The following PIK3R3 variants were observed in gnomAD, a reference collection of about 807,000 sequenced individuals.
PIK3R3 encodes phosphoinositide-3-kinase regulatory subunit 3.
PIK3R3 carries 64 observed loss-of-function variants against 62.9 expected under a neutral mutation model. The observed-to-expected ratio is 1.02, with a 90% CI of 0.83 to 1.25. The LOEUF is 1.25. PIK3R3 is among the 50% of genes most tolerant of loss of function. The pLI is 0.00. For synonymous variants in PIK3R3, 165 were observed against 189.0 expected, an observed-to-expected ratio of 0.87 and a Z score of 1.04; for missense variants, 614 against 561.6, an observed-to-expected ratio of 1.09 and a Z score of -0.94.
chr1:46,060,354 G>C (rs1428255998), intron 6 of PIK3R3, among the ~76,000 whole-genome samples: 2 of 152,104 alleles, frequency 1.3e-5, no homozygotes, highest in East Asian at 3.9e-4. Flanking sequence ...GCCGGGCATG[G>C]TGGGGGGTGC....
chr1:46,085,789 C>G (rs1474740592), intron 1 of PIK3R3, among the ~76,000 whole-genome samples: 1 of 152,180 alleles, frequency 6.6e-6, no homozygotes, highest in Non-Finnish European at 1.5e-5. Context: ...GTTAGGTGCA[C>G]CTAAGCAAAT....
At chr1:46,172,874 T>A in the PIK3R3 span, among the ~76,000 whole-genome samples, 1 of 151,992 alleles carries the variant, frequency 6.6e-6, no homozygotes, top group Non-Finnish European at 1.5e-5. Context: ...ATGCCTGTAG[T>A]CCCAGCTACT....
intron 3 of PIK3R3, among the ~76,000 whole-genome samples, chr1:46,075,909 G>T (rs76071810): frequency 6.6e-6 from 1 of 152,166 alleles, no homozygotes; most frequent in Non-Finnish European, 1.5e-5. Flanking sequence ...GAACCCATAG[G>T]GGGTGAGGAG....
chr1:46,103,004 A>T (rs2149444469), intron 1 of PIK3R3, among the ~76,000 whole-genome samples: 1 of 152,300 alleles, frequency 6.6e-6, no homozygotes, highest in East Asian at 1.9e-4. Context: ...AAGGAAGAAA[A>T]TCCTTTCATA....
intron 1 of PIK3R3, among the ~76,000 whole-genome samples, chr1:46,126,567 T>C (rs1051686965): frequency 6.6e-6 from 1 of 151,850 alleles, no homozygotes; most frequent in Non-Finnish European, 1.5e-5. Flanking sequence ...ATAAGTCTTC[T>C]ATGAAGCTGG....
intron 8 of PIK3R3, 52 bp from the exon 9 acceptor site, chr1:46,046,140 G>T: frequency 2.8e-6 from 3 of 1,085,988 alleles, no homozygotes; most frequent in South Asian, 1.5e-5. Context: ...CTATCTAAAA[G>T]CAAATTCATA....
chr1:46,115,157 G>A (rs1392227773), intron 1 of PIK3R3, among the ~76,000 whole-genome samples: 7 of 151,768 alleles, frequency 4.6e-5, no homozygotes, highest in African/African-American at 1.5e-4. Flanking sequence ...GCCCGTTTGA[G>A]AAAAAAAAGC....
chr1:46,050,538 T>C (rs1478204878), intron 7 of PIK3R3, among the ~76,000 whole-genome samples: 9 of 152,140 alleles, frequency 5.9e-5, no homozygotes, highest in African/African-American at 2.2e-4. Context: ...GCACTCCAGC[T>C]TGGGCAACAA....
chr1:46,085,007 G>A (rs182944274), intron 1 of PIK3R3, among the ~76,000 whole-genome samples: 5 of 152,274 alleles, frequency 3.3e-5, no homozygotes, highest in Admixed American at 2.6e-4. Context: ...GAGCTGACCA[G>A]ACTGCATGAG....
At chr1:46,167,043 C>T in the PIK3R3 span, among the ~76,000 whole-genome samples, 1 of 152,248 alleles carries the variant, frequency 6.6e-6, no homozygotes, top group Admixed American at 6.5e-5. Context: ...TAATTATAGC[C>T]CCACCCCGCG....
rs60181999 is a variant in PIK3R3, at chr1:46,113,193, C to T, written c.106+18654G>A. Among the ~76,000 whole-genome samples, 567 of 152,228 alleles carry T rather than the reference C, an allele frequency of 3.7e-3. 6 individuals carry two copies. The highest frequency in any genetic ancestry group is 0.028 in the East Asian group (143 of 5,188). On this transcript the variant is annotated intron_variant, in intron 1 of 9. Transcript: ENST00000262741. Reference sequence around the variant, plus strand: ...AAACCAATCAGTGGCTTCCCAAATGCCTGCAGGATAAAATTCAACCCCTAA... The same window carrying T: ...AAACCAATCAGTGGCTTCCCAAATGTCTGCAGGATAAAATTCAACCCCTAA...
At chr1:46,171,706 G>A in the PIK3R3 span, among the ~76,000 whole-genome samples, 4 of 152,170 alleles carry the variant, frequency 2.6e-5, no homozygotes, top group Non-Finnish European at 4.4e-5. Flanking sequence ...GGAAAATCTC[G>A]GGGGCAGGAG....
chr1:46,129,737 T>A (rs894104815), intron 1 of PIK3R3, among the ~76,000 whole-genome samples: 7 of 152,176 alleles, frequency 4.6e-5, no homozygotes, highest in Admixed American at 4.6e-4. Context: ...TTCACACTAT[T>A]TCCATGAAAA....
the PIK3R3 span, among the ~76,000 whole-genome samples, chr1:46,157,543 A>G: frequency 1.3e-5 from 2 of 152,184 alleles, no homozygotes; most frequent in African/African-American, 2.4e-5. Flanking sequence ...TGGCCCATTT[A>G]GAAAGTCAAA....
chr1:46,124,467 G>A (rs72897033), intron 1 of PIK3R3, among the ~76,000 whole-genome samples: 1,529 of 152,080 alleles, frequency 0.01, 29 homozygotes, highest in African/African-American at 0.035. Flanking sequence ...TCATAAACAC[G>A]TCCTATCTTT....
chr1:46,158,560 G>A, the PIK3R3 span, among the ~76,000 whole-genome samples: 10 of 152,324 alleles, frequency 6.6e-5, no homozygotes, highest in South Asian at 1.9e-3. Flanking sequence ...GGCTACTAAT[G>A]TACAGCTGTT....
chr1:46,073,607 C>A (rs946478950), intron 3 of PIK3R3, among the ~76,000 whole-genome samples: 1 of 151,944 alleles, frequency 6.6e-6, no homozygotes, highest in African/African-American at 2.4e-5. Context: ...AGCCAACTAA[C>A]CAAATAAACC....
chr1:46,095,222 A>C (rs1463017448), intron 1 of PIK3R3, among the ~76,000 whole-genome samples: 1 of 152,190 alleles, frequency 6.6e-6, no homozygotes, highest in Non-Finnish European at 1.5e-5. Context: ...AAAGGCACAA[A>C]ATCAATCTAA....
the PIK3R3 span, among the ~76,000 whole-genome samples, chr1:46,145,568 A>G: frequency 2.6e-5 from 4 of 151,896 alleles, no homozygotes; most frequent in African/African-American, 4.8e-5. Context: ...GGCTCTTTTA[A>G]CTCATCTATT....
Sources: allele counts gnomAD v4.1 joint callset (sites outside exome capture counted in the v4.1 genomes callset), GRCh38; gene constraint gnomAD v4.1.1; transcripts MANE v1.5; gene names NCBI Gene and HGNC (gene_info 2026-07-23, HGNC 2026-07-21).